CYP2J2: variants seen among roughly 807,000 people sequenced by gnomAD.
CYP2J2 encodes the protein cytochrome P450 family 2 subfamily J member 2, also known as cytochrome P450 2J2.
A neutral mutation model predicts 48.8 loss-of-function variants in CYP2J2; 41 were observed. That is an observed-to-expected ratio of 0.84 (90% CI 0.66 to 1.09). CYP2J2 has a LOEUF of 1.09. Ranked by LOEUF, CYP2J2 falls within the 50% of genes least tolerant of loss-of-function variation. The probability of loss-of-function intolerance (pLI) is 0.00; values close to 1 mark genes in which losing one functional copy is unlikely to be tolerated. For synonymous variants in CYP2J2, 221 were observed against 227.1 expected (o/e 0.97, Z 0.24); for missense variants, 644 against 617.3 (o/e 1.04, Z -0.46).
the CYP2J2 span, among the ~76,000 whole-genome samples, chr1:59,937,111 G>A: frequency 6.6e-6 from 1 of 152,160 alleles, no homozygotes; most frequent in Non-Finnish European, 1.5e-5. Context: ...TCTGTTCCAC[G>A]AACCCTCCAG....
chr1:59,940,194 G>T, the CYP2J2 span, among the ~76,000 whole-genome samples: 66 of 152,274 alleles, frequency 4.3e-4, no homozygotes, highest in African/African-American at 1.4e-3. Context: ...CTCTCCTAAA[G>T]CCAGAAAGTC....
At chr1:59,933,784 T>C in the CYP2J2 span, among the ~76,000 whole-genome samples, 1 of 152,188 alleles carries the variant, frequency 6.6e-6, no homozygotes, top group Non-Finnish European at 1.5e-5. Flanking sequence ...AAAGACTTAA[T>C]ATTGTTAAAA....
At chr1:59,938,257 G>C in the CYP2J2 span, among the ~76,000 whole-genome samples, 1 of 152,202 alleles carries the variant, frequency 6.6e-6, no homozygotes, top group African/African-American at 2.4e-5. Context: ...TATGGAGAAA[G>C]AACAGTGGCC....
the CYP2J2 span, among the ~76,000 whole-genome samples, chr1:59,951,550 G>T: frequency 2.0e-5 from 3 of 152,122 alleles, no homozygotes; most frequent in Admixed American, 1.3e-4. Context: ...AACTAGGCTT[G>T]GGTCCTATTT....
chr1:59,910,159 C>G (rs767876385), intron 4 of CYP2J2, among the ~76,000 whole-genome samples, 199 bp from the exon 5 acceptor site: 3 of 152,020 alleles, frequency 2.0e-5, no homozygotes, highest in Non-Finnish European at 2.9e-5. Flanking sequence ...AGCCTTGGAC[C>G]ATTTCTCACC....
chr1:59,945,066 T>G, the CYP2J2 span, among the ~76,000 whole-genome samples: 4 of 152,302 alleles, frequency 2.6e-5, no homozygotes, highest in East Asian at 7.7e-4. Flanking sequence ...TTTTAAAATG[T>G]AGCCAGAATT....
At chr1:59,965,697 G>T in the CYP2J2 span, among the ~76,000 whole-genome samples, 12,434 of 152,072 alleles carry the variant, frequency 0.082, 529 homozygotes, top group Middle Eastern at 0.12. Context: ...TGTTGCCCAG[G>T]CTGGAGGGCA....
At chr1:59,914,949 T>C (rs1477023498) in intron 2 of CYP2J2, among the ~76,000 whole-genome samples, 1 of 152,228 alleles carries the variant, frequency 6.6e-6, no homozygotes, top group Non-Finnish European at 1.5e-5. Flanking sequence ...AACCACCCTA[T>C]GGCAGGAGGT....
the CYP2J2 span, among the ~76,000 whole-genome samples, chr1:59,932,903 G>A: frequency 6.6e-6 from 1 of 152,068 alleles, no homozygotes; most frequent in African/African-American, 2.4e-5. Context: ...GTTTCACCAT[G>A]TTGGCCCAGC....
intron 7 of CYP2J2, among the ~76,000 whole-genome samples, chr1:59,903,532 A>T (rs1041605584): frequency 6.6e-6 from 1 of 152,168 alleles, no homozygotes. Flanking sequence ...TGGAGGAGAG[A>T]GTGGGGCAAG....
At position 59,909,913 on chromosome 1, in the gene CYP2J2, G is replaced by A. The variant is rs1644397293; in HGVS notation, c.732C>T (p.His244=). ...PWIMKFLPGP[H]QTLFSNWKKL... ...TTTTCCAGTTGCTGAAGAGAGTTTG[G>A]TGGGGTCCAGGCAGGAATTTCATTA... The change falls in exon 5 of 9, where the codon CAC becomes CAT. Residue 244 remains histidine (H), a synonymous_variant. Transcript: ENST00000371204. 3 of 1,611,376 alleles carry A rather than the reference G, an allele frequency of 1.9e-6. No individual in the cohort carries two copies. The highest frequency in any genetic ancestry group is 2.2e-5 in the South Asian group (2 of 90,572).
At chr1:59,962,632 A>C in the CYP2J2 span, among the ~76,000 whole-genome samples, 4 of 152,232 alleles carry the variant, frequency 2.6e-5, no homozygotes, top group African/African-American at 9.6e-5. Context: ...TAGGCTCAGC[A>C]GTGAACAACA....
upstream of CYP2J2, among the ~76,000 whole-genome samples, chr1:59,928,841 G>T (rs761143041): frequency 7.9e-5 from 12 of 152,168 alleles, no homozygotes; most frequent in Non-Finnish European, 1.3e-4. Context: ...AGAACAAGAG[G>T]ATAAACCATA....
the CYP2J2 span, among the ~76,000 whole-genome samples, chr1:59,958,933 T>C: frequency 6.6e-6 from 1 of 152,208 alleles, no homozygotes; most frequent in Non-Finnish European, 1.5e-5. Flanking sequence ...CAATACTTTA[T>C]GCTCCTGCAA....
chr1:59,968,613 G>A, the CYP2J2 span, among the ~76,000 whole-genome samples: 1 of 152,252 alleles, frequency 6.6e-6, no homozygotes, highest in Admixed American at 6.5e-5. Context: ...ACCATTGGCT[G>A]CAGAGCATGA....
the CYP2J2 span, among the ~76,000 whole-genome samples, chr1:59,962,508 G>A: frequency 6.6e-6 from 1 of 152,140 alleles, no homozygotes; most frequent in African/African-American, 2.4e-5. Flanking sequence ...TGGAGAGCTA[G>A]CAAAGAATTA....
chr1:59,935,759 T>G, the CYP2J2 span, among the ~76,000 whole-genome samples: 4 of 152,174 alleles, frequency 2.6e-5, no homozygotes, highest in African/African-American at 9.7e-5. Context: ...TGATATCATC[T>G]TTTCAGCCTG....
chr1:59,938,812 CT>C, the CYP2J2 span, among the ~76,000 whole-genome samples: 1 of 152,364 alleles, frequency 6.6e-6, no homozygotes, highest in Non-Finnish European at 1.5e-5. Context: ...GGGGATAAAC[CT>C]TGGACAATAC....
the CYP2J2 span, among the ~76,000 whole-genome samples, chr1:59,943,050 C>T: frequency 1.3e-5 from 2 of 152,094 alleles, no homozygotes; most frequent in African/African-American, 4.8e-5. Context: ...GAAAGGAGAA[C>T]AGGTTTAAGT....
Sources: allele counts gnomAD v4.1 joint callset (sites outside exome capture counted in the v4.1 genomes callset), GRCh38; gene constraint gnomAD v4.1.1; transcripts MANE v1.5; gene names NCBI Gene and HGNC (gene_info 2026-07-23, HGNC 2026-07-21).